NLRP1: variants seen among roughly 807,000 people sequenced by gnomAD.
The protein encoded by NLRP1 is NACHT, LRR and PYD domains-containing protein 1.
In NLRP1, 94 loss-of-function variants were observed where a neutral mutation model predicts 136.7. The observed-to-expected ratio is 0.69, with a 90% CI of 0.58 to 0.82. The LOEUF (loss-of-function observed/expected upper bound fraction) is 0.82, where lower values mean the gene tolerates loss of function less well. Among genes scored for constraint, NLRP1 ranks in the 40% least tolerant of loss-of-function variants. The probability of loss-of-function intolerance (pLI) is 0.00; values close to 1 mark genes in which losing one functional copy is unlikely to be tolerated. For synonymous variants in NLRP1, 690 were observed against 725.1 expected (o/e 0.95, Z 0.78); for missense variants, 1,575 against 1,802.7 (o/e 0.87, Z 2.29).
Position 5,532,810 on chromosome 17 carries a change from C to A in NLRP1, c.3296+12G>T. 6.3e-7 allele frequency: 1 copy of A among 1,584,104 alleles called. No individual in the cohort carries two copies. Among genetic ancestry groups the A allele is most frequent in the Non-Finnish European group, 8.6e-7 (1 of 1,167,064 alleles). ...GAGGCCAGCCTGGGACCAGCAGAGC[C>A]CCCTCACTCACCGGTACAAGTTCTT... On this transcript the variant is annotated intron_variant, in intron 11 of 16. Transcript: ENST00000572272.
intron 5 of NLRP1, among the ~76,000 whole-genome samples, chr17:5,546,453 C>T (rs1279447080): frequency 1.3e-5 from 2 of 152,168 alleles, no homozygotes; most frequent in African/African-American, 4.8e-5. Flanking sequence ...ATTCCACACC[C>T]TCTGTCTGGT....
intron 3 of NLRP1, among the ~76,000 whole-genome samples, chr17:5,560,328 T>C (rs973959270): frequency 1.3e-5 from 2 of 152,050 alleles, no homozygotes; most frequent in Non-Finnish European, 2.9e-5. Flanking sequence ...GGATAAAGAG[T>C]GAACAAAACA....
At chr17:5,540,094 A>C (rs2151772077) in intron 6 of NLRP1, among the ~76,000 whole-genome samples, 1 of 152,304 alleles carries the variant, frequency 6.6e-6, no homozygotes, top group African/African-American at 2.4e-5. Context: ...GCTGGGTCTC[A>C]GGACGCACTG....
At position 5,539,480 on chromosome 17, in the gene NLRP1, ATCC is replaced by A. The variant is rs1911572782; in HGVS notation, c.2802_2804del (p.Asp936del). On this transcript the variant is annotated inframe_deletion, in exon 7 of 17. Transcript: ENST00000572272. ...CACAGAGCAGTCGCACGCCAACGTCATCCAGGTTGTTCTGCTGCAGGTCTAGCT... is the reference window on the plus strand; with the variant it reads ...CACAGAGCAGTCGCACGCCAACGTCAAGGTTGTTCTGCTGCAGGTCTAGCT... 6.2e-7 allele frequency: 1 copy of A among 1,614,058 alleles called. No individual in the cohort carries two copies. The highest frequency in any genetic ancestry group is 8.5e-7 in the Non-Finnish European group (1 of 1,180,034).
chr17:5,519,216 A>G (rs1279864977), intron 14 of NLRP1, among the ~76,000 whole-genome samples: 1 of 151,852 alleles, frequency 6.6e-6, no homozygotes, highest in Non-Finnish European at 1.5e-5. Context: ...GTTAGCCAGG[A>G]TGGTCTCGAT....
At chr17:5,521,916 C>T in intron 12 of NLRP1, 130 bp from the exon 13 acceptor site, 1 of 910,626 alleles carries the variant, frequency 1.1e-6, no homozygotes, top group African/African-American at 1.7e-5. Context: ...CCTCCGCCTC[C>T]TGGGTTCAAG....
At chr17:5,551,864 G>A (rs1913404743) in intron 5 of NLRP1, among the ~76,000 whole-genome samples, 1 of 152,064 alleles carries the variant, frequency 6.6e-6, no homozygotes, top group Non-Finnish European at 1.5e-5. Context: ...TGAACTCCTG[G>A]GCTCAAGTGA....
chr17:5,536,974 A>G (rs559769555), intron 7 of NLRP1, 34 bp from the exon 8 acceptor site: 5 of 1,496,468 alleles, frequency 3.3e-6, no homozygotes, highest in Non-Finnish European at 2.8e-6. Flanking sequence ...TCCTCCTGGG[A>G]TCCCCCATGT....
At chr17:5,512,766 C>T (rs1907728304), downstream of NLRP1, among the ~76,000 whole-genome samples, 1 of 152,180 alleles carries the variant, frequency 6.6e-6, no homozygotes, top group Admixed American at 6.5e-5. Flanking sequence ...GCACTGGGTC[C>T]CACAACTGCT....
In NLRP1 at chr17:5,514,994, T is replaced by TA; in HGVS notation, c.4181_4182insT (p.Ser1395IlefsTer25). 1 of 1,614,168 alleles carries TA rather than the reference T, an allele frequency of 6.2e-7. No homozygotes were observed. Among genetic ancestry groups the TA allele is most frequent in the Non-Finnish European group, 8.5e-7 (1 of 1,180,020 alleles). ...GTTTGTCCAAGACAACCTCCACCGA[T>TA]GTCACTCGGGCTATCAGCTGCTCTC... On this transcript the variant is annotated frameshift_variant, in exon 17 of 17. Coordinates refer to ENST00000572272, the MANE Select transcript of NLRP1 (RefSeq NM_033004.4). LOFTEE classifies it low-confidence loss of function (END_TRUNC).
At chr17:5,579,354 G>GAAAAAAAAAA (rs912179587) in intron 3 of NLRP1, among the ~76,000 whole-genome samples, 2,075 of 151,254 alleles carry the variant, frequency 0.014, 50 homozygotes, top group African/African-American at 0.048. Context: ...ACCTTCTCTG[G>GAAAAAAAAAA]AAAAAAAGAA....
At chr17:5,511,378 G>A (rs193281475), downstream of NLRP1, among the ~76,000 whole-genome samples, 38 of 151,660 alleles carry the variant, frequency 2.5e-4, no homozygotes, top group Non-Finnish European at 5.0e-4. Context: ...GTTGCAGTGA[G>A]TGCAGTGAGC....
At chr17:5,521,110 A>T in intron 13 of NLRP1, 98 bp from the exon 14 acceptor site, 1 of 1,276,692 alleles carries the variant, frequency 7.8e-7, no homozygotes, top group East Asian at 2.4e-5. Flanking sequence ...GTGTGGACAG[A>T]GTGGGGCTAT....
chr17:5,507,907 G>A lies in NLRP1; in HGVS notation c.4070-6035C>T, dbSNP rs145232380. Among the ~76,000 whole-genome samples the A allele has an allele frequency of 3.8e-3, 574 of 152,186 alleles. 4 individuals are homozygous for A. The highest frequency in any genetic ancestry group is 0.012 in the African/African-American group (504 of 41,522). On this transcript the variant is annotated intron_variant, in intron 15 of 15. Coordinates refer to the NLRP1 transcript ENST00000262467. ...TCCCAGCACTTCGGGAGGCTTAGGT[G>A]GGCGGATCACAAGGTCAGGAGTTCG... is the stretch of plus-strand genomic sequence containing the variant.
intron 5 of NLRP1, among the ~76,000 whole-genome samples, chr17:5,551,048 C>G (rs1304647510): frequency 1.3e-5 from 2 of 151,962 alleles, no homozygotes; most frequent in Non-Finnish European, 2.9e-5. Flanking sequence ...CACATCATCA[C>G]CCAAAGTCCA....
At position 5,532,943 on chromosome 17, in the gene NLRP1, C is replaced by A. The variant is rs2301582; in HGVS notation, c.3175G>T (p.Val1059Leu). 1 of 1,613,200 alleles carries A rather than the reference C, an allele frequency of 6.2e-7. No homozygotes were observed. The highest frequency in any genetic ancestry group is 8.5e-7 in the Non-Finnish European group (1 of 1,179,520). The part of the protein sequence containing the change: ...PEVVPVELLC[V>L]PSPASQGDLH... The stretch of plus-strand genomic sequence containing the variant: ...TCCCCTTGAGAGGCAGGAGAAGGCA[C>A]GCACAAGAGTTCCACCGGTACTACC... Residue 1059 changes from valine to leucine, a missense_variant, in exon 11 of 17, where the codon GTG becomes TTG. Val to Leu is a conservative substitution (Grantham distance 32). Transcript: ENST00000572272.
intron 14 of NLRP1, among the ~76,000 whole-genome samples, 198 bp downstream of exon 14, chr17:5,520,683 C>G (rs184493397): frequency 6.6e-6 from 1 of 152,328 alleles, no homozygotes; most frequent in Admixed American, 6.5e-5. Context: ...TCCTTCACAT[C>G]CTGCATGTGA....
rs2151773805 is a variant in NLRP1 at position 5,541,090 on chromosome 17, G to A, written c.2699+767C>T. 6.6e-6 allele frequency among the ~76,000 whole-genome samples: 1 copy of A among 152,214 alleles called. No homozygotes were observed. Among genetic ancestry groups the A allele is most frequent in the South Asian group, 2.1e-4 (1 of 4,816 alleles). On this transcript the variant is annotated intron_variant, in intron 6 of 16. Transcript: ENST00000572272. The surrounding 1 kb of genome is among the most constrained non-coding windows in gnomAD (Gnocchi z 4.2). ...GAAGGAGTCTCGCTCTGTTGCCCAG[G>A]CTGGAGTGTAATGAGGTGATTTCAG...
At chr17:5,556,924 A>G (rs1399811698) in intron 4 of NLRP1, among the ~76,000 whole-genome samples, 1 of 150,656 alleles carries the variant, frequency 6.6e-6, no homozygotes. Context: ...ACACCCAGCC[A>G]ATTTTTAATG....
Sources: allele counts gnomAD v4.1 joint callset (sites outside exome capture counted in the v4.1 genomes callset), GRCh38; gene constraint gnomAD v4.1.1; non-coding constraint Gnocchi (gnomAD v3.1); transcripts MANE v1.5; gene names NCBI Gene and HGNC (gene_info 2026-07-23, HGNC 2026-07-21).